EXOC6B: variants seen among roughly 807,000 people sequenced by gnomAD.
EXOC6B encodes the protein SEC15 homolog B.
EXOC6B carries 54 observed loss-of-function variants against 113.5 expected under a neutral mutation model. The ratio of observed to expected loss-of-function variants is 0.48; its 90% CI spans 0.38 to 0.60. EXOC6B has a LOEUF of 0.60. Ranked by LOEUF, EXOC6B falls within the 20% of genes least tolerant of loss-of-function variation. EXOC6B has a pLI of 0.00. For missense variants in EXOC6B, 797 were observed against 977.5 expected, an observed-to-expected ratio of 0.82 and a Z score of 2.46; for synonymous variants, 357 against 339.0, an observed-to-expected ratio of 1.05 and a Z score of -0.58.
chr2:72,701,563 C>T (rs1573648888), intron 6 of EXOC6B, among the ~76,000 whole-genome samples: 1 of 152,186 alleles, frequency 6.6e-6, no homozygotes, highest in African/African-American at 2.4e-5. Flanking sequence ...AGGCAGTACA[C>T]CTAGGTTCTG....
At chr2:72,805,863 A>G (rs1459552315) in intron 1 of EXOC6B, among the ~76,000 whole-genome samples, 3 of 152,130 alleles carry the variant, frequency 2.0e-5, no homozygotes, top group Non-Finnish European at 4.4e-5. Context: ...AATTCCACAT[A>G]TAAGTGAGAT....
chr2:72,634,006 C>A (rs945512572), intron 6 of EXOC6B, among the ~76,000 whole-genome samples: 7 of 150,460 alleles, frequency 4.7e-5, no homozygotes, highest in African/African-American at 1.7e-4. Flanking sequence ...GAGAGTAGGA[C>A]AACGAAAATA....
At chr2:72,751,987 A>G (rs1682071739) in intron 1 of EXOC6B, among the ~76,000 whole-genome samples, 1 of 152,122 alleles carries the variant, frequency 6.6e-6, no homozygotes, top group South Asian at 2.1e-4. Context: ...AAACTTTGGT[A>G]GCATGCAGAA....
chr2:72,599,519 A>C (rs1292054022), intron 6 of EXOC6B, among the ~76,000 whole-genome samples: 1 of 152,148 alleles, frequency 6.6e-6, no homozygotes, highest in Non-Finnish European at 1.5e-5. Context: ...CACCACTACT[A>C]TCCAACATCA....
At chr2:72,433,873 T>G (rs1695695275) in intron 18 of EXOC6B, among the ~76,000 whole-genome samples, 1 of 151,924 alleles carries the variant, frequency 6.6e-6, no homozygotes, top group African/African-American at 2.4e-5. Context: ...ACTTCCTCTC[T>G]TCCTATTTGA....
chr2:72,817,043 C>A (rs908760276), intron 1 of EXOC6B, among the ~76,000 whole-genome samples: 4 of 152,106 alleles, frequency 2.6e-5, no homozygotes, highest in Non-Finnish European at 5.9e-5. Flanking sequence ...TTTATCAAAC[C>A]ACAAAAAAAT....
intron 6 of EXOC6B, among the ~76,000 whole-genome samples, chr2:72,676,123 G>GT (rs1435150216): frequency 1.4e-5 from 2 of 140,002 alleles, no homozygotes; most frequent in African/African-American, 5.5e-5. Context: ...ATTCATTCTA[G>GT]TTTAAAAAAA....
intron 20 of EXOC6B, among the ~76,000 whole-genome samples, chr2:72,316,909 T>C (rs1687544032): frequency 6.6e-6 from 1 of 152,198 alleles, no homozygotes; most frequent in Admixed American, 6.5e-5. Flanking sequence ...AGAGAATGCA[T>C]TTGTCACTCT....
At chr2:72,558,700 C>T (rs571728179) in intron 8 of EXOC6B, among the ~76,000 whole-genome samples, 113 of 151,740 alleles carry the variant, frequency 7.4e-4, no homozygotes, top group Middle Eastern at 6.8e-3. Flanking sequence ...ACCCGGGAGG[C>T]GGAGGTTGTG....
intron 18 of EXOC6B, among the ~76,000 whole-genome samples, chr2:72,403,020 C>G (rs6717250): frequency 0.21 from 31,846 of 151,940 alleles, 6,312 homozygotes; most frequent in African/African-American, 0.53. Flanking sequence ...AACACAAGTC[C>G]CAGTCATTGC....
intron 20 of EXOC6B, among the ~76,000 whole-genome samples, chr2:72,234,852 A>G (rs372516861): frequency 6.6e-6 from 1 of 152,226 alleles, no homozygotes; most frequent in African/African-American, 2.4e-5. Flanking sequence ...ACACCATCTC[A>G]TACCAGTCAG....
intron 13 of EXOC6B, among the ~76,000 whole-genome samples, chr2:72,497,220 T>C (rs897491085): frequency 2.6e-5 from 4 of 151,976 alleles, no homozygotes; most frequent in Non-Finnish European, 1.5e-5. Flanking sequence ...GGGATCTTCC[T>C]ACCTTGGCTC....
chr2:72,754,113 C>T (rs1313662797), intron 1 of EXOC6B, among the ~76,000 whole-genome samples: 1 of 152,064 alleles, frequency 6.6e-6, no homozygotes, highest in African/African-American at 2.4e-5. Context: ...TCTCAAACTC[C>T]TGGGCTCAAG....
chr2:72,554,761 A>AT (rs531522895), intron 8 of EXOC6B, among the ~76,000 whole-genome samples: 3 of 151,780 alleles, frequency 2.0e-5, no homozygotes, highest in Admixed American at 6.6e-5. Context: ...TTTATTTTTT[A>AT]TTTTTTTATT....
intron 6 of EXOC6B, among the ~76,000 whole-genome samples, chr2:72,593,231 T>A (rs1160554469): frequency 6.6e-6 from 1 of 152,142 alleles, no homozygotes; most frequent in Admixed American, 6.6e-5. Context: ...TAATAAACTA[T>A]GTTTATTAGT....
intron 19 of EXOC6B, among the ~76,000 whole-genome samples, chr2:72,355,114 C>T (rs1376052418): frequency 3.3e-5 from 5 of 152,066 alleles, no homozygotes; most frequent in South Asian, 2.1e-4. Flanking sequence ...CTTGAGTTTT[C>T]GGTATAATTT....
At chr2:72,238,695 A>G (rs1682117758) in intron 20 of EXOC6B, among the ~76,000 whole-genome samples, 2 of 152,142 alleles carry the variant, frequency 1.3e-5, no homozygotes, top group Admixed American at 6.5e-5. Context: ...GGCCATTTGT[A>G]TATTTTCTTT....
At chr2:72,493,252 T>G (rs1254104989) in intron 15 of EXOC6B, among the ~76,000 whole-genome samples, 2 of 151,958 alleles carry the variant, frequency 1.3e-5, no homozygotes. Flanking sequence ...ACTACTTAGT[T>G]TCCTGCTGAC....
chr2:72,625,793 G>A (rs540543784), intron 6 of EXOC6B, among the ~76,000 whole-genome samples: 20 of 152,170 alleles, frequency 1.3e-4, no homozygotes, highest in South Asian at 1.0e-3. Context: ...CCACCACAGC[G>A]GATTATTACA....
Sources: gnomAD v4.1 joint callset for allele counts (sites outside exome capture counted in the v4.1 genomes callset) on GRCh38, gnomAD v4.1.1 for gene constraint, MANE v1.5 for transcripts, NCBI Gene and HGNC (gene_info 2026-07-23, HGNC 2026-07-21) for gene names.